Variants in SOX6 observed in about 807,000 individuals in gnomAD.
SOX6 encodes SRY-box transcription factor 6.
In SOX6, 11 loss-of-function variants were observed where a neutral mutation model predicts 97.8. That is an observed-to-expected ratio of 0.11 (90% confidence interval 0.07 to 0.19). SOX6 has a LOEUF of 0.19. Ranked by LOEUF, SOX6 falls within the 10% of genes least tolerant of loss-of-function variation. The probability of loss-of-function intolerance (pLI) is 1.00; values close to 1 mark genes in which losing one functional copy is unlikely to be tolerated. For synonymous variants in SOX6, 360 were observed against 371.4 expected, an observed-to-expected ratio of 0.97 and a Z score of 0.35; for missense variants, 810 against 1,039.5, an observed-to-expected ratio of 0.78 and a Z score of 3.04.
At chr11:16,226,774 A>C (rs757791831) in intron 4 of SOX6, among the ~76,000 whole-genome samples, 2 of 152,066 alleles carry the variant, frequency 1.3e-5, no homozygotes, top group African/African-American at 2.4e-5. Flanking sequence ...ATCAAGATAA[A>C]TACTACTACA....
intron 7 of SOX6, among the ~76,000 whole-genome samples, chr11:16,098,901 G>A (rs1848869306): frequency 1.3e-5 from 2 of 151,756 alleles, no homozygotes; most frequent in South Asian, 2.1e-4. Flanking sequence ...GAGCCTTCCT[G>A]GTGACTCTGG....
At chr11:16,461,008 C>T (rs1859914209) in intron 1 of SOX6, among the ~76,000 whole-genome samples, 1 of 152,156 alleles carries the variant, frequency 6.6e-6, no homozygotes, top group Non-Finnish European at 1.5e-5. Flanking sequence ...TCCTTTAAAA[C>T]TGTGTCTTTT....
chr11:16,361,551 T>C (rs962205616), intron 1 of SOX6, among the ~76,000 whole-genome samples: 1 of 152,202 alleles, frequency 6.6e-6, no homozygotes, highest in Non-Finnish European at 1.5e-5. Flanking sequence ...CTGTGATTTA[T>C]GAAGCATCCA....
chr11:16,301,043 C>G (rs545410312), intron 3 of SOX6, among the ~76,000 whole-genome samples: 1 of 152,272 alleles, frequency 6.6e-6, no homozygotes, highest in African/African-American at 2.4e-5. Flanking sequence ...GCCCCCAACA[C>G]TATCACTCTA....
intron 3 of SOX6, among the ~76,000 whole-genome samples, chr11:16,712,078 T>TACACACACACACACACACACACACACAC (rs58807051): frequency 7.1e-6 from 1 of 139,924 alleles, no homozygotes; most frequent in Non-Finnish European, 1.6e-5. Context: ...TAGTATTCCA[T>TACACACACACACACACACACACACACAC]ACACACACAC....
At chr11:16,139,856 T>G (rs1411800135) in intron 6 of SOX6, among the ~76,000 whole-genome samples, 1 of 151,290 alleles carries the variant, frequency 6.6e-6, no homozygotes, top group Non-Finnish European at 1.5e-5. Context: ...ACTTTGATAC[T>G]TCTAATTCCA....
chr11:16,589,662 T>G (rs963199461), intron 4 of SOX6, among the ~76,000 whole-genome samples: 2 of 152,040 alleles, frequency 1.3e-5, no homozygotes, highest in African/African-American at 4.8e-5. Flanking sequence ...AAGCCAAAAT[T>G]TATTTAATCA....
At chr11:16,639,543 A>G (rs1267459357) in intron 3 of SOX6, among the ~76,000 whole-genome samples, 1 of 152,198 alleles carries the variant, frequency 6.6e-6, no homozygotes, top group Admixed American at 6.5e-5. Context: ...CTTCCTACCC[A>G]TGAGCATGGA....
At chr11:16,167,858 T>C (rs1038977456) in intron 6 of SOX6, among the ~76,000 whole-genome samples, 18 of 152,220 alleles carry the variant, frequency 1.2e-4, no homozygotes, top group Admixed American at 7.9e-4. Context: ...GCAGTTCTTG[T>C]AGTGTGCAGT....
chr11:16,674,660 G>A lies in SOX6; in HGVS notation n.429+40170C>T, dbSNP rs955415377. Among the ~76,000 whole-genome samples the A allele has an allele frequency of 5.5e-4, 83 of 152,138 alleles. 1 individual carries two copies. The highest frequency in any genetic ancestry group is 1.0e-4 in the Non-Finnish European group (7 of 68,010). ...AGGCAGGCAGATCACCTGAGGCCAG[G>A]GCAGCCAAGGCTGGGCATGGTAGCT... is the stretch of plus-strand genomic sequence containing the variant. On this transcript the variant is annotated intron_variant and non_coding_transcript_variant, in intron 3 of 5. Coordinates refer to the SOX6 transcript ENST00000524520.
chr11:16,679,118 C>A (rs959619986), intron 3 of SOX6, among the ~76,000 whole-genome samples: 1 of 152,200 alleles, frequency 6.6e-6, no homozygotes, highest in African/African-American at 2.4e-5. Context: ...GTTCTCCCAG[C>A]GTGGCATTCG....
At chr11:16,054,681 G>T (rs1847771741) in intron 10 of SOX6, among the ~76,000 whole-genome samples, 1 of 152,144 alleles carries the variant, frequency 6.6e-6, no homozygotes, top group South Asian at 2.1e-4. Context: ...GGTCTCAGCT[G>T]TTTCCCTTGT....
chr11:16,089,683 T>C (rs528592895), intron 9 of SOX6, among the ~76,000 whole-genome samples: 3 of 152,200 alleles, frequency 2.0e-5, no homozygotes, highest in Non-Finnish European at 4.4e-5. Context: ...AGAACAGTAA[T>C]AGCTATGTGC....
chr11:16,693,782 C>G (rs989965496), intron 3 of SOX6, among the ~76,000 whole-genome samples: 5 of 152,110 alleles, frequency 3.3e-5, no homozygotes, highest in African/African-American at 1.2e-4. Context: ...CAAAAACTTT[C>G]TAAGTCCATA....
At chr11:16,312,803 A>T (rs929243333) in intron 3 of SOX6, 3 of 152,198 alleles carry the variant, frequency 2.0e-5, no homozygotes, top group Admixed American at 1.3e-4. Flanking sequence ...TGGCAACAAG[A>T]CGGGTGATAC....
At chr11:16,444,011 CAAAAAAA>C (rs11448266) in intron 1 of SOX6, among the ~76,000 whole-genome samples, 2 of 115,434 alleles carry the variant, frequency 1.7e-5, no homozygotes, top group Admixed American at 9.4e-5. Context: ...GACTCTGTCT[CAAAAAAA>C]AAAAAAAAAA....
chr11:16,328,169 C>G (rs1347648591), intron 2 of SOX6, among the ~76,000 whole-genome samples: 1 of 152,040 alleles, frequency 6.6e-6, no homozygotes, highest in Non-Finnish European at 1.5e-5. Context: ...CTTCTTTAGA[C>G]CCTACTCAAA....
chr11:16,139,647 T>G (rs1850075347), intron 6 of SOX6, among the ~76,000 whole-genome samples: 1 of 151,790 alleles, frequency 6.6e-6, no homozygotes, highest in Admixed American at 6.6e-5. Flanking sequence ...TATTTTCCCT[T>G]CCCCAGACCA....
chr11:16,521,645 G>A (rs140080825), intron 4 of SOX6, among the ~76,000 whole-genome samples: 1,953 of 152,294 alleles, frequency 0.013, 48 homozygotes, highest in African/African-American at 0.044. Context: ...TTACTTTGAC[G>A]AGTTAAGAGA....
Sources: allele counts gnomAD v4.1 joint callset (sites outside exome capture counted in the v4.1 genomes callset), GRCh38; gene constraint gnomAD v4.1.1; transcripts MANE v1.5; gene names NCBI Gene and HGNC (gene_info 2026-07-23, HGNC 2026-07-21).